PIP4K2C: variants seen among roughly 807,000 people sequenced by gnomAD.
The protein encoded by PIP4K2C is phosphatidylinositol 5-phosphate 4-kinase type-2 gamma.
PIP4K2C carries 21 observed loss-of-function variants against 45.0 expected under a neutral mutation model. The observed-to-expected ratio is 0.47, with a 90% CI of 0.33 to 0.67. The LOEUF is 0.67. Ranked by LOEUF, PIP4K2C falls within the 30% of genes least tolerant of loss-of-function variation. The probability of loss-of-function intolerance (pLI) is 0.02; values close to 1 mark genes in which losing one functional copy is unlikely to be tolerated. For missense variants in PIP4K2C, 456 were observed against 542.8 expected, an observed-to-expected ratio of 0.84 and a Z score of 1.59; for synonymous variants, 201 against 204.8, an observed-to-expected ratio of 0.98 and a Z score of 0.16.
rs2140186748 is a variant in PIP4K2C at position 57,596,043 on chromosome 12, C to T, written c.513+12C>T. ...CCAACTATCACCAGGTCAGGCCTCT[C>T]TCTAGCCCCATTCTTTCCCTCTCCT... On this transcript the variant is annotated intron_variant, in intron 4 of 9. Coordinates refer to ENST00000354947, the MANE Select transcript of PIP4K2C (RefSeq NM_024779.5). The T allele has an allele frequency of 1.9e-6, 3 of 1,611,676 alleles. No individual in the cohort carries two copies. The highest frequency in any genetic ancestry group is 4.5e-5 in the East Asian group (2 of 44,872).
chr12:57,591,876 A>G (rs368387310), intron 1 of PIP4K2C, among the ~76,000 whole-genome samples: 4 of 151,200 alleles, frequency 2.6e-5, no homozygotes, highest in Admixed American at 2.6e-4. Flanking sequence ...GATGGATGAA[A>G]AGGTTCTTTC....
Position 57,603,250 on chromosome 12 carries a change from C to T in PIP4K2C, c.*1644C>T. The T allele has an allele frequency of 6.5e-6, 1 of 152,724 alleles. No homozygotes were observed. The allele number at this position is 152,724 out of a possible 1,614,324, so 9.5% of individuals were successfully genotyped here. A position where few individuals can be genotyped will look rare whatever the true frequency, so the allele number is the denominator to read the frequency against. On this transcript the variant is annotated 3_prime_UTR_variant, in exon 10 of 10. Coordinates refer to ENST00000354947, the MANE Select transcript of PIP4K2C (RefSeq NM_024779.5). ...AATAAAACTCTGTGACACCAGCAAC[C>T]ATTGCTCTTTAGAAATGGGTTTTCT...
intron 8 of PIP4K2C, 67 bp downstream of exon 8, chr12:57,601,145 T>C (rs920183189): frequency 5.0e-6 from 8 of 1,599,680 alleles, no homozygotes; most frequent in Non-Finnish European, 6.8e-6. Flanking sequence ...ACCAGAGTGC[T>C]GGGGGAGAGC....
At position 57,591,413 on chromosome 12, in the gene PIP4K2C, C is replaced by T. The variant is rs867791123; in HGVS notation, c.124C>T (p.Arg42Trp). The T allele has an allele frequency of 1.9e-6, 3 of 1,613,786 alleles. No homozygotes were observed. Among genetic ancestry groups the T allele is most frequent in the Non-Finnish European group, 2.5e-6 (3 of 1,179,842 alleles). Residue 42 changes from arginine to tryptophan, a missense_variant, in exon 1 of 10, where the codon CGG becomes TGG. Coordinates refer to ENST00000354947, the MANE Select transcript of PIP4K2C (RefSeq NM_024779.5). ...CGTGCAGCAGAAGGTGAAGGTGTTCCGGGCGGCCGACCCGCTGGTGGGTGT... is the reference window on the plus strand; with the variant it reads ...CGTGCAGCAGAAGGTGAAGGTGTTCTGGGCGGCCGACCCGCTGGTGGGTGT... ...HFVQQKVKVF[R>W]AADPLVGVFL...
chr12:57,593,675 GTTTTTTTTTTTTTTTT>G (rs56900742), intron 1 of PIP4K2C, among the ~76,000 whole-genome samples: 99 of 64,060 alleles, frequency 1.5e-3, no homozygotes, highest in African/African-American at 5.8e-3. Context: ...AGCTTGCAGA[GTTTTTTTTTTTTTTTT>G]TTTTTTTTTT....
chr12:57,591,725 C>T (rs1882969142), intron 1 of PIP4K2C, among the ~76,000 whole-genome samples: 1 of 152,234 alleles, frequency 6.6e-6, no homozygotes, highest in South Asian at 2.1e-4. Context: ...TTGACTCCTT[C>T]CTGCCATGTC....
In PIP4K2C at chr12:57,594,088, T is replaced by C; in HGVS notation, c.238T>C (p.Ser80Pro). ...MLLPDDFKAS[S>P]KIKVNNHLFH... is the part of the protein sequence containing the mutation. ...GCTGCCAGATGACTTTAAGGCCAGC[T>C]CCAAGATCAAGGTCAACAATCACCT... is the stretch of plus-strand genomic sequence containing the variant. Residue 80 changes from serine (S) to proline (P), a missense_variant, in exon 2 of 10, where the codon TCC (serine) becomes CCC (proline). This residue lies in a region of PIP4K2C where 421 missense variants were observed against 473.1 expected (regional missense o/e 0.89). Coordinates refer to ENST00000354947, the MANE Select transcript of PIP4K2C (RefSeq NM_024779.5). 6.2e-7 allele frequency: 1 copy of C among 1,613,988 alleles called. No individual in the cohort carries two copies. The highest frequency in any genetic ancestry group is 8.5e-7 in the Non-Finnish European group (1 of 1,179,958).
At chr12:57,600,207 A>G (rs1289917625) in intron 6 of PIP4K2C, 117 bp from the exon 7 acceptor site, 5 of 593,046 alleles carry the variant, frequency 8.4e-6, no homozygotes, top group Non-Finnish European at 1.5e-5. Flanking sequence ...GGGAAGCATC[A>G]CAGTGTGGAG....
chr12:57,591,804 G>A (rs1489585649), intron 1 of PIP4K2C, among the ~76,000 whole-genome samples: 2 of 152,202 alleles, frequency 1.3e-5, no homozygotes, highest in Non-Finnish European at 2.9e-5. Flanking sequence ...TAGGGGGAGT[G>A]GCTTTTTCTC....
intron 1 of PIP4K2C, among the ~76,000 whole-genome samples, chr12:57,592,718 C>G (rs1221684624): frequency 6.6e-6 from 1 of 152,094 alleles, no homozygotes; most frequent in Non-Finnish European, 1.5e-5. Flanking sequence ...ACCTCAGCTT[C>G]ACTAGGTATA....
chr12:57,600,708 C>A (rs1883390322), intron 7 of PIP4K2C, 103 bp from the exon 8 acceptor site: 2 of 1,445,718 alleles, frequency 1.4e-6, no homozygotes, highest in Non-Finnish European at 9.5e-7. Context: ...TTTTATACTT[C>A]CTTTCCCCAG....
At position 57,603,185 on chromosome 12, in the gene PIP4K2C, CT is replaced by C. The variant is rs1215571647; in HGVS notation, c.*1584del. ...TCTTCCTGTCAGAAGACTGATGGAT[CT>C]TTTTCATTCCAACCATCTCCCTTTC... On this transcript the variant is annotated 3_prime_UTR_variant, in exon 10 of 10. Coordinates refer to ENST00000354947, the MANE Select transcript of PIP4K2C (RefSeq NM_024779.5). 1 of 152,580 alleles carries C rather than the reference CT, an allele frequency of 6.6e-6. No individual in the cohort carries two copies. Among genetic ancestry groups the C allele is most frequent in the Non-Finnish European group, 1.5e-5 (1 of 68,034 alleles). The allele number at this position is 152,580 out of a possible 1,614,324, so 9.5% of individuals were successfully genotyped here.
intron 7 of PIP4K2C, 60 bp from the exon 8 acceptor site, chr12:57,600,751 G>A: frequency 6.3e-7 from 1 of 1,598,494 alleles, no homozygotes. Context: ...TACAGGTACA[G>A]GGGTGATACC....
At chr12:57,599,266 G>A in intron 5 of PIP4K2C, 55 bp downstream of exon 5, 1 of 1,608,250 alleles carries the variant, frequency 6.2e-7, no homozygotes, top group Non-Finnish European at 8.5e-7. Flanking sequence ...CTGAGAATGG[G>A]GAAGACCCTG....
In PIP4K2C at chr12:57,601,058, A is replaced by G. The variant is rs200656592; in HGVS notation, c.1061A>G (p.Tyr354Cys). 31 of 1,613,552 alleles carry G rather than the reference A, an allele frequency of 1.9e-5. No homozygotes were observed. Among genetic ancestry groups the G allele is most frequent in the African/African-American group, 6.7e-5 (5 of 74,916 alleles). ...GAGTTTGAGTCCTTCATTGATGTCTATGCCATCCGGAGTGCTGAAGGTGAG... is the reference window on the plus strand; with the variant it reads ...GAGTTTGAGTCCTTCATTGATGTCTGTGCCATCCGGAGTGCTGAAGGTGAG... ...PGEFESFIDV[Y>C]AIRSAEGAPQ... Residue 354 changes from tyrosine (Y) to cysteine (C), a missense_variant, in exon 8 of 10, where the codon TAT (tyrosine) becomes TGT (cysteine). Tyr to Cys is a radical substitution (Grantham distance 194, BLOSUM62 -2). This residue lies in a region of PIP4K2C where 421 missense variants were observed against 473.1 expected (regional missense o/e 0.89). Transcript: ENST00000354947.
Position 57,599,061 on chromosome 12 carries a change from G to A in PIP4K2C, c.514-4G>A. The A allele has an allele frequency of 1.2e-6, 2 of 1,613,812 alleles. No homozygotes were observed. Among genetic ancestry groups the A allele is most frequent in the African/African-American group, 1.3e-5 (1 of 75,016 alleles). ...CCCCATTCCTTCCCCCTCTTTCACT[G>A]TAGTACATTGTGAAGTGCCATGGCA... On this transcript the variant is annotated splice_region_variant and splice_polypyrimidine_tract_variant and intron_variant, in intron 4 of 9. Coordinates refer to ENST00000354947, the MANE Select transcript of PIP4K2C (RefSeq NM_024779.5).
At chr12:57,593,934 G>A in intron 1 of PIP4K2C, 91 bp from the exon 2 acceptor site, 1 of 805,402 alleles carries the variant, frequency 1.2e-6, no homozygotes, top group Non-Finnish European at 2.0e-6. Flanking sequence ...AGGTCTGAGT[G>A]GCCCTTGCAT....
At chr12:57,596,930 G>T (rs1478012796) in intron 4 of PIP4K2C, among the ~76,000 whole-genome samples, 1 of 152,246 alleles carries the variant, frequency 6.6e-6, no homozygotes, top group African/African-American at 2.4e-5. Flanking sequence ...TGAAGGACTA[G>T]TAGAGGTTAA....
Position 57,591,302 on chromosome 12 carries a change from T to G in PIP4K2C, c.13T>G (p.Ser5Ala), listed in dbSNP as rs750756056. Residue 5 changes from serine (S) to alanine (A), a missense_variant, in exon 1 of 10, where the codon TCG becomes GCG. Physicochemically the swap from Ser to Ala is moderately conservative, Grantham distance 99 (BLOSUM62 1). Around this residue, in one of 2 missense-constraint regions of PIP4K2C, gnomAD observed 421 missense variants for 473.1 expected, o/e 0.89. Coordinates refer to ENST00000354947, the MANE Select transcript of PIP4K2C (RefSeq NM_024779.5). The part of the protein sequence containing the change: MASS[S>A]VPPATVSAAT... ...TGCGCGGGAGACTATGGCGTCCTCC[T>G]CGGTCCCACCAGCCACGGTATCGGC... 3.1e-6 allele frequency: 5 copies of G among 1,611,576 alleles called. No homozygotes were observed. The highest frequency in any genetic ancestry group is 4.2e-6 in the Non-Finnish European group (5 of 1,178,636).
Sources: gnomAD v4.1 joint callset for allele counts (sites outside exome capture counted in the v4.1 genomes callset) on GRCh38, gnomAD v4.1.1 for gene constraint, gnomAD v4.1.1 regional missense constraint, MANE v1.5 for transcripts, NCBI Gene and HGNC (gene_info 2026-07-23, HGNC 2026-07-21) for gene names.